The following KIAA1328 variants were observed in gnomAD, a reference collection of about 807,000 sequenced individuals.
KIAA1328 encodes the protein KIAA1328.
A neutral mutation model predicts 68.1 loss-of-function variants in KIAA1328; 52 were observed. The ratio of observed to expected loss-of-function variants is 0.76; its 90% CI spans 0.61 to 0.96. The LOEUF (loss-of-function observed/expected upper bound fraction) is 0.96, where lower values mean the gene tolerates loss of function less well. Ranked by LOEUF, KIAA1328 falls within the 40% of genes least tolerant of loss-of-function variation. The pLI, the probability that KIAA1328 is intolerant of heterozygous loss-of-function variation, is 0.00. For missense variants in KIAA1328, 641 were observed against 677.6 expected, an observed-to-expected ratio of 0.95 and a Z score of 0.60; for synonymous variants, 232 against 239.4, an observed-to-expected ratio of 0.97 and a Z score of 0.28.
At position 37,053,276 on chromosome 18, in the gene KIAA1328, T is replaced by C. The variant is rs977374288; in HGVS notation, c.577-13614T>C. Among the ~76,000 whole-genome samples, 10 of 152,182 alleles carry C rather than the reference T, an allele frequency of 6.6e-5. No homozygotes were observed. In the East Asian group the frequency reaches 1.9e-3, roughly 29 times the overall value. On this transcript the variant is annotated intron_variant, in intron 6 of 9. Coordinates refer to ENST00000280020, the MANE Select transcript of KIAA1328 (RefSeq NM_020776.3). ...AATAAATGGTGCTGGGAAAATTGGC[T>C]AGCCATATGCAGAGGAAAGAAACTG...
At chr18:37,082,699 A>G (rs1389521033) in intron 7 of KIAA1328, among the ~76,000 whole-genome samples, 13 of 152,204 alleles carry the variant, frequency 8.5e-5, no homozygotes, top group Non-Finnish European at 5.9e-5. Flanking sequence ...TTAATGATTC[A>G]TTCTGCCACC....
At chr18:37,075,045 TTGAAA>T (rs1452044668) in intron 7 of KIAA1328, 1 of 151,462 alleles carries the variant, frequency 6.6e-6, no homozygotes, top group Non-Finnish European at 1.5e-5. Context: ...TTCACCAAAG[TTGAAA>T]TGAAGGAAAA....
chr18:36,910,234 C>T (rs555909833), intron 5 of KIAA1328, among the ~76,000 whole-genome samples: 2 of 152,140 alleles, frequency 1.3e-5, no homozygotes, highest in African/African-American at 2.4e-5. Flanking sequence ...AGGTTTTCTT[C>T]TAGGGTTTTT....
intron 5 of KIAA1328, among the ~76,000 whole-genome samples, chr18:36,937,014 A>G (rs2050524999): frequency 3.9e-5 from 6 of 152,246 alleles, no homozygotes; most frequent in African/African-American, 1.4e-4. Context: ...AAACAGGCAT[A>G]TAAACCAATG....
chr18:36,965,867 G>C (rs1435725553), intron 6 of KIAA1328, among the ~76,000 whole-genome samples: 3 of 150,644 alleles, frequency 2.0e-5, no homozygotes, highest in Non-Finnish European at 3.0e-5. Flanking sequence ...CCACTTATAA[G>C]CCTAGATTTT....
At chr18:37,032,698 A>G (rs1040995799) in intron 6 of KIAA1328, among the ~76,000 whole-genome samples, 2 of 152,050 alleles carry the variant, frequency 1.3e-5, no homozygotes, top group Admixed American at 1.3e-4. Flanking sequence ...CCAGAGTACA[A>G]TGGCACGATC....
intron 9 of KIAA1328, among the ~76,000 whole-genome samples, chr18:37,209,300 T>TTTTG (rs556632238): frequency 2.6e-3 from 394 of 152,278 alleles, no homozygotes; most frequent in Non-Finnish European, 3.5e-3. Context: ...GACCTGTGTT[T>TTTTG]TTTGTTTGTT....
chr18:36,928,161 G>A (rs1311054965), intron 5 of KIAA1328, among the ~76,000 whole-genome samples: 1 of 152,074 alleles, frequency 6.6e-6, no homozygotes, highest in Non-Finnish European at 1.5e-5. Flanking sequence ...TAAGAGCATA[G>A]ACTGGGCAGA....
Position 37,078,025 on chromosome 18 carries a change from G to A in KIAA1328, c.1232+10480G>A, listed in dbSNP as rs557728500. 1.7e-4 allele frequency among the ~76,000 whole-genome samples: 26 copies of A among 152,222 alleles called. 1 individual carries two copies. In the South Asian group the frequency reaches 4.1e-3, roughly 24 times the overall value. On this transcript the variant is annotated intron_variant, in intron 7 of 9. Transcript: ENST00000280020. ...AAAAAGAGCCCACATTGCCAAGTCA[G>A]TCCTAAGCCAAAAGAACAAAGCTGG...
intron 7 of KIAA1328, among the ~76,000 whole-genome samples, chr18:37,135,205 G>A (rs1044097386): frequency 6.6e-6 from 1 of 152,126 alleles, no homozygotes; most frequent in African/African-American, 2.4e-5. Flanking sequence ...GTTTCTTTGG[G>A]ATATACACCT....
Position 37,224,319 on chromosome 18 carries a change from C to A in KIAA1328, c.*2092C>A, listed in dbSNP as rs2060611550. On this transcript the variant is annotated 3_prime_UTR_variant, in exon 10 of 10. Transcript: ENST00000280020. ...AGAAGAATCGTAAACAGAGTCTAAA[C>A]TAAAGGCTTTTTGGGGGTCACAGCC... 2.0e-6 allele frequency: 2 copies of A among 985,386 alleles called. No individual in the cohort carries two copies. Among genetic ancestry groups the A allele is most frequent in the Non-Finnish European group, 2.4e-6 (2 of 829,926 alleles). 61.0% of individuals were successfully genotyped at this position (985,386 alleles called of 1,614,324 possible).
intron 9 of KIAA1328, among the ~76,000 whole-genome samples, chr18:37,176,113 C>T (rs2059592653): frequency 6.6e-6 from 1 of 152,144 alleles, no homozygotes; most frequent in Non-Finnish European, 1.5e-5. Context: ...TTAACATTTG[C>T]ATTTTTATTT....
rs574336598 is a variant in KIAA1328 at position 37,174,695 on chromosome 18, G to A, written c.1523+1614G>A. ...TACAAGCTCCACCTCCCAGGTTCACGCCATTCTCCTGCCTCAGCCTCCTGA... is the reference window on the plus strand; with the variant it reads ...TACAAGCTCCACCTCCCAGGTTCACACCATTCTCCTGCCTCAGCCTCCTGA... On this transcript the variant is annotated intron_variant, in intron 9 of 9. Transcript: ENST00000280020. 7.3e-4 allele frequency among the ~76,000 whole-genome samples: 111 copies of A among 151,890 alleles called. 1 individual carries two copies. Among genetic ancestry groups the A allele is most frequent in the African/African-American group, 2.0e-3 (83 of 41,418 alleles).
At chr18:37,072,858 G>C (rs77804426) in intron 7 of KIAA1328, among the ~76,000 whole-genome samples, 2 of 152,122 alleles carry the variant, frequency 1.3e-5, no homozygotes, top group South Asian at 4.1e-4. Context: ...TTATGAGTGA[G>C]AACATGCGGT....
chr18:37,082,985 G>C lies in KIAA1328; in HGVS notation c.1232+15440G>C, dbSNP rs189897634. Reference sequence around the variant, plus strand: ...AATTCAGTGTTCACCAGTGAAAAACGTGTCACCTTGAGAGAGTTATGTGCC... The same window carrying C: ...AATTCAGTGTTCACCAGTGAAAAACCTGTCACCTTGAGAGAGTTATGTGCC... On this transcript the variant is annotated intron_variant, in intron 7 of 9. Coordinates refer to ENST00000280020, the MANE Select transcript of KIAA1328 (RefSeq NM_020776.3). Among the ~76,000 whole-genome samples, 30 of 152,212 alleles carry C rather than the reference G, an allele frequency of 2.0e-4. No homozygotes were observed. In the East Asian group the frequency reaches 5.2e-3, roughly 26 times the overall value.
chr18:37,019,833 T>C (rs1352176287), intron 6 of KIAA1328, among the ~76,000 whole-genome samples: 3 of 152,120 alleles, frequency 2.0e-5, no homozygotes, highest in East Asian at 1.9e-4. Flanking sequence ...ATGACCTATG[T>C]CCAGGAAAGG....
At chr18:36,953,209 A>G (rs1036890946) in intron 5 of KIAA1328, among the ~76,000 whole-genome samples, 2 of 147,938 alleles carry the variant, frequency 1.4e-5, no homozygotes, top group African/African-American at 4.9e-5. Context: ...ATATAATTGT[A>G]TATAAACATA....
intron 3 of KIAA1328, among the ~76,000 whole-genome samples, chr18:36,840,253 T>C (rs1192011248): frequency 6.6e-6 from 1 of 152,142 alleles, no homozygotes; most frequent in Non-Finnish European, 1.5e-5. Flanking sequence ...CAATGAAAAC[T>C]ATTGTTTCCT....
At chr18:37,041,476 T>C (rs992075325) in intron 6 of KIAA1328, among the ~76,000 whole-genome samples, 3 of 152,150 alleles carry the variant, frequency 2.0e-5, no homozygotes, top group African/African-American at 7.2e-5. Context: ...CTTCTTATTT[T>C]ATCTAGTTTG....
Sources: allele counts gnomAD v4.1 joint callset (sites outside exome capture counted in the v4.1 genomes callset), GRCh38; gene constraint gnomAD v4.1.1; transcripts MANE v1.5; gene names NCBI Gene and HGNC (gene_info 2026-07-23, HGNC 2026-07-21).